GRIA1: variants seen among roughly 807,000 people sequenced by gnomAD.
The protein encoded by GRIA1 is glutamate receptor 1.
A neutral mutation model predicts 99.2 loss-of-function variants in GRIA1; 31 were observed. That is an observed-to-expected ratio of 0.31 (90% CI 0.23 to 0.42). The LOEUF is 0.42. Ranked by LOEUF, GRIA1 falls within the 10% of genes least tolerant of loss-of-function variation. GRIA1 has a pLI of 1.00. For missense variants in GRIA1, 782 were observed against 1,157.5 expected (o/e 0.68, Z 4.71); for synonymous variants, 438 against 432.4 (o/e 1.01, Z -0.16).
intron 4 of GRIA1, among the ~76,000 whole-genome samples, chr5:153,653,778 G>A (rs1319238554): frequency 6.6e-6 from 1 of 152,146 alleles, no homozygotes; most frequent in Non-Finnish European, 1.5e-5. Context: ...CCAGCACATA[G>A]CATAGTGCTT....
chr5:153,656,910 A>C (rs1469329891), intron 5 of GRIA1, among the ~76,000 whole-genome samples: 3 of 152,148 alleles, frequency 2.0e-5, no homozygotes, highest in Non-Finnish European at 4.4e-5. Context: ...TTCTATCCGT[A>C]TGTATTTGCC....
intron 2 of GRIA1, among the ~76,000 whole-genome samples, chr5:153,542,639 G>T (rs528563843): frequency 6.6e-6 from 1 of 152,316 alleles, no homozygotes; most frequent in East Asian, 1.9e-4. Flanking sequence ...ATATACAGTG[G>T]AGTGAACTAG....
intron 2 of GRIA1, among the ~76,000 whole-genome samples, chr5:153,643,530 T>C (rs1249643789): frequency 6.6e-6 from 1 of 152,210 alleles, no homozygotes. Context: ...CCACAGGCCT[T>C]GGGCCTATAG....
rs374305664 is a variant in GRIA1 at position 153,600,606 on chromosome 5, C to G, written c.221-46322C>G. On this transcript the variant is annotated intron_variant, in intron 2 of 15. Coordinates refer to ENST00000285900, the MANE Select transcript of GRIA1 (RefSeq NM_000827.4). ...ATACATAGAAAATGGTGATCTCAAG[C>G]CTCAGAGTGAAAAATGAACATCCCA... is the stretch of plus-strand genomic sequence containing the variant. Among the ~76,000 whole-genome samples the G allele has an allele frequency of 8.7e-4, 132 of 152,096 alleles. 1 individual carries two copies. Among genetic ancestry groups the G allele is most frequent in the African/African-American group, 2.8e-3 (118 of 41,490 alleles).
chr5:153,682,658 C>A (rs1021249645), intron 7 of GRIA1, among the ~76,000 whole-genome samples: 1 of 152,108 alleles, frequency 6.6e-6, no homozygotes, highest in Admixed American at 6.5e-5. Context: ...TTAGCAATTT[C>A]CTATCCACTG....
intron 11 of GRIA1, among the ~76,000 whole-genome samples, chr5:153,720,234 G>C (rs1759958470): frequency 6.6e-6 from 1 of 152,138 alleles, no homozygotes; most frequent in Non-Finnish European, 1.5e-5. Flanking sequence ...CATTTTTATT[G>C]AAAATAGCTC....
At chr5:153,621,860 G>C (rs867549527) in intron 2 of GRIA1, among the ~76,000 whole-genome samples, 2 of 152,116 alleles carry the variant, frequency 1.3e-5, no homozygotes, top group African/African-American at 4.8e-5. Context: ...TAGAAGCCTT[G>C]CTTTTTCATT....
At chr5:153,612,082 G>A (rs1766040188) in intron 2 of GRIA1, among the ~76,000 whole-genome samples, 1 of 152,230 alleles carries the variant, frequency 6.6e-6, no homozygotes, top group Non-Finnish European at 1.5e-5. Flanking sequence ...ATGGGGAAAT[G>A]TGAGTCCTTG....
At chr5:153,614,409 C>T (rs1766283813) in intron 2 of GRIA1, among the ~76,000 whole-genome samples, 1 of 152,180 alleles carries the variant, frequency 6.6e-6, no homozygotes, top group South Asian at 2.1e-4. Flanking sequence ...GTTCCAGGCA[C>T]AGTGTCCTAT....
chr5:153,584,981 T>G (rs1763345619), intron 2 of GRIA1, among the ~76,000 whole-genome samples: 1 of 152,246 alleles, frequency 6.6e-6, no homozygotes, highest in African/African-American at 2.4e-5. Context: ...TTCCTTGTGA[T>G]CATACATTCA....
intron 2 of GRIA1, among the ~76,000 whole-genome samples, chr5:153,497,245 G>A (rs73282399): frequency 0.019 from 2,868 of 152,252 alleles, 89 homozygotes; most frequent in African/African-American, 0.064. Flanking sequence ...CAGGGGTAGA[G>A]TTTGGGGAGA....
At chr5:153,771,015 C>T (rs1335624561) in intron 13 of GRIA1, among the ~76,000 whole-genome samples, 1 of 152,168 alleles carries the variant, frequency 6.6e-6, no homozygotes, top group Non-Finnish European at 1.5e-5. Context: ...TTTACTTTCA[C>T]GAAAAGAAAT....
At chr5:153,490,378 C>G (rs1422973150), upstream of GRIA1, 1 of 172,340 alleles carries the variant, frequency 5.8e-6, no homozygotes, top group Non-Finnish European at 1.2e-5. Flanking sequence ...GGGGTTGCCC[C>G]TTTCAGGACC....
At chr5:153,673,589 G>C (rs921860552) in intron 5 of GRIA1, among the ~76,000 whole-genome samples, 3 of 152,062 alleles carry the variant, frequency 2.0e-5, no homozygotes, top group East Asian at 1.9e-4. Flanking sequence ...CCTTAGTTCT[G>C]GTGCTCTCTC....
intron 1 of GRIA1, among the ~76,000 whole-genome samples, chr5:153,491,924 G>T (rs1753953203): frequency 6.6e-6 from 1 of 152,158 alleles, no homozygotes; most frequent in South Asian, 2.1e-4. Context: ...AATCATGAGG[G>T]AAAGCAAAAC....
At chr5:153,636,002 A>G (rs1168071801) in intron 2 of GRIA1, among the ~76,000 whole-genome samples, 2 of 152,154 alleles carry the variant, frequency 1.3e-5, no homozygotes, top group African/African-American at 4.8e-5. Flanking sequence ...TCACAGTCCC[A>G]TTGACTCTTG....
Position 153,592,995 on chromosome 5 carries a change from G to A in GRIA1, c.221-53933G>A, listed in dbSNP as rs111822490. On this transcript the variant is annotated intron_variant, in intron 2 of 15. Transcript: ENST00000285900. ...TAAATCTGATTAACTGCCAGGCGCA[G>A]TGGCTCACACCTGTGATCCCAGCAC... 8.3e-3 allele frequency among the ~76,000 whole-genome samples: 1,260 copies of A among 152,322 alleles called. 12 individuals are homozygous for A. The highest frequency in any genetic ancestry group is 0.028 in the African/African-American group (1,182 of 41,566).
intron 2 of GRIA1, chr5:153,557,951 A>C (rs1760799769): frequency 6.6e-6 from 1 of 152,230 alleles, no homozygotes; most frequent in Admixed American, 6.5e-5. Context: ...ACTGTAAAAT[A>C]ACAACATATA....
Position 153,705,986 on chromosome 5 carries a change from A to G in GRIA1, c.1742A>G (p.Gln581Arg). ...EEGRDQTTSD[Q>R]SNEFGIFNSL... ...GGACGGGACCAGACAACCAGTGACCAGTCCAATGAGTTTGGGATATTCAAC... is the reference window on the plus strand; with the variant it reads ...GGACGGGACCAGACAACCAGTGACCGGTCCAATGAGTTTGGGATATTCAAC... Residue 581 changes from glutamine (Q) to arginine (R), a missense_variant, in exon 11 of 16, where the codon CAG becomes CGG. Coordinates refer to ENST00000285900, the MANE Select transcript of GRIA1 (RefSeq NM_000827.4). The G allele has an allele frequency of 6.2e-7, 1 of 1,613,866 alleles. No individual in the cohort carries two copies.
Sources: allele counts gnomAD v4.1 joint callset (sites outside exome capture counted in the v4.1 genomes callset), GRCh38; gene constraint gnomAD v4.1.1; transcripts MANE v1.5; gene names NCBI Gene and HGNC (gene_info 2026-07-23, HGNC 2026-07-21).